The following DDX19B variants were observed in gnomAD, a reference collection of about 807,000 sequenced individuals.
The protein encoded by DDX19B is ATP-dependent RNA helicase DDX19B.
A neutral mutation model predicts 58.1 loss-of-function variants in DDX19B; 27 were observed. The observed-to-expected ratio is 0.46, with a 90% CI of 0.34 to 0.64. The LOEUF (loss-of-function observed/expected upper bound fraction) is 0.64. Ranked by LOEUF, DDX19B falls within the 30% of genes least tolerant of loss-of-function variation. DDX19B has a pLI of 0.01. For missense variants in DDX19B, 399 were observed against 596.5 expected (o/e 0.67, Z 3.45); for synonymous variants, 187 against 214.4 (o/e 0.87, Z 1.12).
chr16:70,332,902 A>T, intron 10 of DDX19B, 66 bp from the exon 11 acceptor site: 1 of 1,613,690 alleles, frequency 6.2e-7, no homozygotes, highest in Non-Finnish European at 8.5e-7. Context: ...CATTGTATGG[A>T]TGGACCACAT....
intron 7 of DDX19B, among the ~76,000 whole-genome samples, chr16:70,326,304 G>A (rs534647727): frequency 4.7e-4 from 72 of 152,170 alleles, no homozygotes; most frequent in African/African-American, 1.6e-3. Flanking sequence ...GTGAAACCCC[G>A]TATCTAATAA....
At position 70,324,658 on chromosome 16, in the gene DDX19B, C is replaced by T; in HGVS notation, c.463C>T (p.Gln155Ter). 6.2e-7 allele frequency: 1 copy of T among 1,613,640 alleles called. No individual in the cohort carries two copies. The highest frequency in any genetic ancestry group is 1.1e-5 in the South Asian group (1 of 90,972). The stretch of plus-strand genomic sequence containing the variant: ...TGCCTTCGTGCTGGCCATGCTTAGC[C>T]AAGTAGAACCTGCAAACAAATACCC... ...TAAFVLAMLSQVEPANKYPQC... is the reference protein window; with the variant it reads ...TAAFVLAMLS The change falls in exon 6 of 12, where the codon CAA becomes TAA. Residue 155 changes from glutamine (Q) to a stop codon, truncating the protein, a stop_gained. Transcript: ENST00000288071. LOFTEE classifies it high-confidence loss of function.
At chr16:70,330,252 C>T (rs1220611197) in intron 9 of DDX19B, among the ~76,000 whole-genome samples, 184 bp downstream of exon 9, 5 of 152,056 alleles carry the variant, frequency 3.3e-5, no homozygotes, top group African/African-American at 9.7e-5. Context: ...TGGAGAAAAC[C>T]CCAAGTAACA....
Position 70,322,888 on chromosome 16 carries a change from T to C in DDX19B, c.390-1697T>C, listed in dbSNP as rs72790627. Among the ~76,000 whole-genome samples, 40 of 138,098 alleles carry C rather than the reference T, an allele frequency of 2.9e-4. 1 individual carries two copies. The highest frequency in any genetic ancestry group is 4.5e-4 in the Non-Finnish European group (29 of 64,964). The allele number at this position is 138,098 out of a possible 152,430, so 90.6% of individuals were successfully genotyped here. A position where few individuals can be genotyped will look rare whatever the true frequency, so the allele number is the denominator to read the frequency against. On this transcript the variant is annotated intron_variant, in intron 5 of 11. Coordinates refer to ENST00000288071, the MANE Select transcript of DDX19B (RefSeq NM_007242.7). ...GCTCGGTGACAACAGTGAAACTCCG[T>C]TGCAAAAAAAAAAAAAAAAAAAAAA...
chr16:70,312,560 T>C (rs1203558292), intron 1 of DDX19B, 49 bp from the exon 2 acceptor site: 3 of 1,553,688 alleles, frequency 1.9e-6, no homozygotes, highest in Non-Finnish European at 2.7e-6. Context: ...CCAAATCTTT[T>C]TAAGTGCTTT....
Position 70,333,847 on chromosome 16 carries a change from G to C in DDX19B, c.*265G>C. The C allele has an allele frequency of 1.8e-6, 1 of 567,934 alleles. No individual in the cohort carries two copies. The highest frequency in any genetic ancestry group is 3.1e-6 in the Non-Finnish European group (1 of 321,086). The allele number at this position is 567,934 out of a possible 1,614,324, so 35.2% of individuals were successfully genotyped here. A position where few individuals can be genotyped will look rare whatever the true frequency, so the allele number is the denominator to read the frequency against. On this transcript the variant is annotated 3_prime_UTR_variant, in exon 12 of 12. Transcript: ENST00000288071. ...TTTGGAAGTTTCATCTTTTAATTTG[G>C]CCAGTGTTTCCTTCATGCTAATCTA...
Position 70,324,702 on chromosome 16 carries a change from A to G in DDX19B, c.492+15A>G. On this transcript the variant is annotated intron_variant, in intron 6 of 11. Transcript: ENST00000288071. ...AATACCCCCAGGTAAGGATTTATGAATTTAGGTTTTCTACTAATGCATAGA... is the reference window on the plus strand; with the variant it reads ...AATACCCCCAGGTAAGGATTTATGAGTTTAGGTTTTCTACTAATGCATAGA... 1 of 1,603,520 alleles carries G rather than the reference A, an allele frequency of 6.2e-7. No homozygotes were observed. Among genetic ancestry groups the G allele is most frequent in the Non-Finnish European group, 8.5e-7 (1 of 1,175,962 alleles).
Position 70,329,931 on chromosome 16 carries a change from A to T in DDX19B, c.886A>T (p.Lys296Ter). The T allele has an allele frequency of 6.2e-7, 1 of 1,614,236 alleles. No individual in the cohort carries two copies. The highest frequency in any genetic ancestry group is 1.1e-5 in the South Asian group (1 of 91,088). Residue 296 changes from lysine to a stop codon, truncating the protein, a stop_gained, in exon 9 of 12, where the codon AAA becomes TAA. Coordinates refer to ENST00000288071, the MANE Select transcript of DDX19B (RefSeq NM_007242.7). LOFTEE classifies it high-confidence loss of function. ...AGTGGTCCCAGACCCAAACGTTATC[A>T]AACTGAAGCGTGAGGAAGAGACCCT... ...QKVVPDPNVI[K>*]LKREEETLDT...
rs1305298565 is a variant in DDX19B at position 70,324,680 on chromosome 16, A to T, written c.485A>T (p.Tyr162Phe). Reference sequence around the variant, plus strand: ...AGCCAAGTAGAACCTGCAAACAAATACCCCCAGGTAAGGATTTATGAATTT... The same window carrying T: ...AGCCAAGTAGAACCTGCAAACAAATTCCCCCAGGTAAGGATTTATGAATTT... ...MLSQVEPANK[Y>F]PQCLCLSPTY... Residue 162 changes from tyrosine to phenylalanine, a missense_variant, in exon 6 of 12, where the codon TAC (tyrosine) becomes TTC (phenylalanine). Physicochemically the swap from Tyr to Phe is conservative, Grantham distance 22. Transcript: ENST00000288071. 6 of 1,611,422 alleles carry T rather than the reference A, an allele frequency of 3.7e-6. No individual in the cohort carries two copies. The South Asian group carries it at 5.5e-5, about 15-fold the overall frequency.
At chr16:70,317,799 G>T (rs972927410) in intron 5 of DDX19B, 9 of 338,676 alleles carry the variant, frequency 2.7e-5, no homozygotes, top group African/African-American at 1.9e-4. Context: ...TATAAACTTG[G>T]CCAGGCATGG....
At chr16:70,305,734 GT>G (rs1961714154) in intron 1 of DDX19B, among the ~76,000 whole-genome samples, 2 of 151,218 alleles carry the variant, frequency 1.3e-5, no homozygotes, top group Non-Finnish European at 3.0e-5. Context: ...GAGGTTTTTT[GT>G]TTTTTTAATT....
At chr16:70,309,663 CA>C (rs1252275329) in intron 1 of DDX19B, among the ~76,000 whole-genome samples, 1 of 151,046 alleles carries the variant, frequency 6.6e-6, no homozygotes, top group African/African-American at 2.4e-5. Context: ...ACTAAAAATT[CA>C]AAAATTAGCT....
At chr16:70,319,942 A>T (rs1169353729) in intron 5 of DDX19B, among the ~76,000 whole-genome samples, 1 of 152,030 alleles carries the variant, frequency 6.6e-6, no homozygotes, top group Non-Finnish European at 1.5e-5. Context: ...TACTTTCTCA[A>T]AGTTTTTTGT....
Position 70,329,395 on chromosome 16 carries a change from G to A in DDX19B, c.711G>A (p.Lys237=), listed in dbSNP as rs1165849623. ...KLKFIDPKKI[K]VFVLDEADVM... ...AGTTCATTGATCCCAAGAAAATCAAGGTGTTTGTTCTGGATGAGGCTGATG... is the reference window on the plus strand; with the variant it reads ...AGTTCATTGATCCCAAGAAAATCAAAGTGTTTGTTCTGGATGAGGCTGATG... Residue 237 remains lysine, a synonymous_variant, in exon 8 of 12, where the codon AAG becomes AAA. Transcript: ENST00000288071. 3.7e-6 allele frequency: 6 copies of A among 1,613,914 alleles called. No homozygotes were observed. Among genetic ancestry groups the A allele is most frequent in the African/African-American group, 1.3e-5 (1 of 74,878 alleles).
At chr16:70,324,329 C>T (rs1213206773) in intron 5 of DDX19B, among the ~76,000 whole-genome samples, 1 of 133,286 alleles carries the variant, frequency 7.5e-6, no homozygotes, top group Admixed American at 8.5e-5. Context: ...TGCCACTGCA[C>T]TCCAGCCTGG....
At chr16:70,325,258 TAG>T (rs1165001417) in intron 6 of DDX19B, among the ~76,000 whole-genome samples, 2 of 152,190 alleles carry the variant, frequency 1.3e-5, no homozygotes, top group East Asian at 3.8e-4. Context: ...TGCCATCCAT[TAG>T]AAAGTTCTGA....
At chr16:70,323,404 C>T (rs543708323) in intron 5 of DDX19B, among the ~76,000 whole-genome samples, 3 of 151,792 alleles carry the variant, frequency 2.0e-5, no homozygotes, top group Non-Finnish European at 4.4e-5. Flanking sequence ...CTGCACCTGA[C>T]CTTGCCTGCT....
chr16:70,332,904 G>A lies in DDX19B; in HGVS notation c.1187-64G>A. 2.5e-6 allele frequency: 4 copies of A among 1,613,674 alleles called. No individual in the cohort carries two copies. In the South Asian group the frequency reaches 4.4e-5, roughly 18 times the overall value. ...CTGAGTCATGCTCCATTGTATGGATGGACCACATGACTGATTTGCCTCCTG... is the reference window on the plus strand; with the variant it reads ...CTGAGTCATGCTCCATTGTATGGATAGACCACATGACTGATTTGCCTCCTG... On this transcript the variant is annotated intron_variant, in intron 10 of 11. Transcript: ENST00000288071.
At chr16:70,293,189 G>C (rs186646310), upstream of DDX19B, among the ~76,000 whole-genome samples, 16 of 152,206 alleles carry the variant, frequency 1.1e-4, no homozygotes, top group South Asian at 8.3e-4. Context: ...TTCTGAGGTG[G>C]GTGGATGGCT....
Sources: gnomAD v4.1 joint callset for allele counts (sites outside exome capture counted in the v4.1 genomes callset) on GRCh38, gnomAD v4.1.1 for gene constraint, MANE v1.5 for transcripts, NCBI Gene and HGNC (gene_info 2026-07-23, HGNC 2026-07-21) for gene names.